Variants in PSD3 observed in about 807,000 individuals in gnomAD.
PSD3 encodes the protein pleckstrin and Sec7 domain containing 3, also known as PH and SEC7 domain-containing protein 3.
PSD3 carries 49 observed loss-of-function variants against 105.5 expected under a neutral mutation model. The ratio of observed to expected loss-of-function variants is 0.46; its 90% confidence interval spans 0.37 to 0.59. PSD3 has a LOEUF of 0.59. Among genes scored for constraint, PSD3 ranks in the 20% least tolerant of loss-of-function variants. The probability of loss-of-function intolerance (pLI) is 0.00; values close to 1 mark genes in which losing one functional copy is unlikely to be tolerated. For synonymous variants in PSD3, 557 were observed against 457.8 expected, an observed-to-expected ratio of 1.22 and a Z score of -2.77; for missense variants, 1,561 against 1,263.8, an observed-to-expected ratio of 1.24 and a Z score of -3.57.
intron 2 of PSD3, among the ~76,000 whole-genome samples, chr8:18,918,070 C>G (rs1008794045): frequency 6.6e-6 from 1 of 152,152 alleles, no homozygotes; most frequent in African/African-American, 2.4e-5. Flanking sequence ...GAGAATCAAT[C>G]CATTATTTTT....
chr8:18,552,861 G>A (rs559766583), intron 15 of PSD3, among the ~76,000 whole-genome samples: 6 of 152,264 alleles, frequency 3.9e-5, no homozygotes, highest in African/African-American at 1.2e-4. Context: ...AATGAAGAGA[G>A]CCCATTCTGA....
At chr8:18,631,518 C>T (rs991242781) in intron 11 of PSD3, among the ~76,000 whole-genome samples, 2 of 151,914 alleles carry the variant, frequency 1.3e-5, no homozygotes, top group Non-Finnish European at 2.9e-5. Flanking sequence ...ATAATGCTGA[C>T]ACAAAAAATC....
intron 1 of PSD3, among the ~76,000 whole-genome samples, chr8:18,993,001 C>T (rs758923697): frequency 2.6e-4 from 40 of 152,156 alleles, no homozygotes; most frequent in Non-Finnish European, 4.7e-4. Flanking sequence ...GACACCTCAT[C>T]CAAAGGTCAA....
intron 4 of PSD3, among the ~76,000 whole-genome samples, chr8:18,840,260 T>A (rs970892654): frequency 6.6e-6 from 1 of 151,940 alleles, no homozygotes; most frequent in East Asian, 2.0e-4. Flanking sequence ...CTCTGAGTAA[T>A]AGGTGGGGAA....
At chr8:18,603,483 CTA>C (rs1235159987) in intron 11 of PSD3, among the ~76,000 whole-genome samples, 1 of 152,080 alleles carries the variant, frequency 6.6e-6, no homozygotes, top group Non-Finnish European at 1.5e-5. Flanking sequence ...GGCCAATCTT[CTA>C]TTTTTGTTTG....
In PSD3 at chr8:19,037,906, A is replaced by C. The variant is rs1050599651; in HGVS notation, c.324+46300T>G. The stretch of plus-strand genomic sequence containing the variant: ...ATAAATCTCTCTACATATATTTAAT[A>C]TATATAATCATATAGATTTTAATAT... On this transcript the variant is annotated intron_variant, in intron 1 of 1. Transcript: ENST00000521475. Among the ~76,000 whole-genome samples, 5 of 149,442 alleles carry C rather than the reference A, an allele frequency of 3.3e-5. No homozygotes were observed. The East Asian group carries it at 9.7e-4, about 29-fold the overall frequency.
intron 8 of PSD3, among the ~76,000 whole-genome samples, chr8:18,796,562 A>T (rs944309436): frequency 6.6e-6 from 1 of 152,246 alleles, no homozygotes; most frequent in Non-Finnish European, 1.5e-5. Context: ...TAAGGAAATT[A>T]GCAGGCCAAA....
rs527447858 is a variant in PSD3, at chr8:18,564,345, T to C, written c.2785-7993A>G. Among the ~76,000 whole-genome samples the C allele has an allele frequency of 7.0e-4, 107 of 152,188 alleles. 1 individual carries two copies. The highest frequency in any genetic ancestry group is 2.4e-3 in the African/African-American group (101 of 41,542). On this transcript the variant is annotated intron_variant, in intron 14 of 15. Coordinates refer to ENST00000327040, the MANE Select transcript of PSD3 (RefSeq NM_015310.4). ...CAGTAGGTGTAGAATATGAAAGACA[T>C]TGGCCAGGCACGGTGGCTCACGCCT...
chr8:19,074,607 ATATATTTTTTT>A (rs1264304950), intron 1 of PSD3, among the ~76,000 whole-genome samples: 21 of 11,670 alleles, frequency 1.8e-3, no homozygotes, highest in Non-Finnish European at 4.5e-3. Context: ...ATATATATAT[ATATATTTTTTT>A]TTTTTTTTTT....
chr8:18,638,207 C>T (rs1440757221), intron 10 of PSD3, among the ~76,000 whole-genome samples: 1 of 148,642 alleles, frequency 6.7e-6, no homozygotes, highest in Non-Finnish European at 1.5e-5. Flanking sequence ...CAGCTAACAT[C>T]ATACTCAACA....
At chr8:18,752,633 A>G (rs866934330) in intron 9 of PSD3, among the ~76,000 whole-genome samples, 1 of 69,752 alleles carries the variant, frequency 1.4e-5, no homozygotes, top group Non-Finnish European at 2.6e-5. Context: ...TATTATATAT[A>G]ATATATATAA....
chr8:18,647,698 G>A (rs1456747561), intron 10 of PSD3, among the ~76,000 whole-genome samples: 1 of 149,722 alleles, frequency 6.7e-6, no homozygotes, highest in African/African-American at 2.5e-5. Context: ...ATTTGGTTTG[G>A]ATCTGTGTCC....
intron 1 of PSD3, among the ~76,000 whole-genome samples, chr8:19,046,986 A>G (rs760635936): frequency 6.6e-6 from 1 of 152,244 alleles, no homozygotes; most frequent in Non-Finnish European, 1.5e-5. Context: ...GTTAAATCTT[A>G]GGGCTGGCAG....
At chr8:18,737,386 C>T (rs1804231899) in intron 9 of PSD3, among the ~76,000 whole-genome samples, 1 of 152,138 alleles carries the variant, frequency 6.6e-6, no homozygotes, top group South Asian at 2.1e-4. Context: ...GAATGCAGTG[C>T]ATGCTCATGG....
At chr8:18,752,441 G>GT (rs1805567403) in intron 9 of PSD3, among the ~76,000 whole-genome samples, 1 of 126,550 alleles carries the variant, frequency 7.9e-6, no homozygotes, top group South Asian at 2.3e-4. Context: ...CATCTAATCA[G>GT]TAAGTTCTCA....
At chr8:19,072,835 T>C (rs1228017412) in intron 1 of PSD3, among the ~76,000 whole-genome samples, 1 of 152,178 alleles carries the variant, frequency 6.6e-6, no homozygotes, top group African/African-American at 2.4e-5. Flanking sequence ...TTATTTTCCA[T>C]CTGGCTCTGA....
At chr8:18,600,523 A>G (rs1585350573) in intron 11 of PSD3, 89 bp from the exon 12 acceptor site, 7 of 1,082,418 alleles carry the variant, frequency 6.5e-6, no homozygotes, top group Non-Finnish European at 9.5e-6. Flanking sequence ...CAGTGTTTCA[A>G]TATTCTACCT....
chr8:18,607,141 G>C (rs1168446366), intron 11 of PSD3, among the ~76,000 whole-genome samples: 1 of 151,980 alleles, frequency 6.6e-6, no homozygotes. Context: ...GAGATAAGAG[G>C]GAAATATAAC....
At position 18,531,673 on chromosome 8, in the gene PSD3, C is replaced by T. The variant is rs893124159; in HGVS notation, c.*4070G>A. 6.6e-6 allele frequency: 1 copy of T among 152,238 alleles called. No individual in the cohort carries two copies. The highest frequency in any genetic ancestry group is 2.4e-5 in the African/African-American group (1 of 41,450). The allele number at this position is 152,238 out of a possible 1,614,324, so 9.4% of individuals were successfully genotyped here. ...GCCTGCAAAGCTGACTTACCATTTT[C>T]TGTCAGAATAACTTAGATGCTTTGA... is the stretch of plus-strand genomic sequence containing the variant. On this transcript the variant is annotated 3_prime_UTR_variant, in exon 16 of 16. Transcript: ENST00000327040.
Sources: allele counts gnomAD v4.1 joint callset (sites outside exome capture counted in the v4.1 genomes callset), GRCh38; gene constraint gnomAD v4.1.1; transcripts MANE v1.5; gene names NCBI Gene and HGNC (gene_info 2026-07-23, HGNC 2026-07-21).